Variants in CNOT4 observed in about 807,000 individuals in gnomAD.
CNOT4 encodes the protein CCR4-NOT transcription complex subunit 4.
CNOT4 carries 8 observed loss-of-function variants against 73.8 expected under a neutral mutation model. The observed-to-expected ratio is 0.11, with a 90% CI of 0.06 to 0.20. CNOT4 has a LOEUF of 0.20. Ranked by LOEUF, CNOT4 falls within the 10% of genes least tolerant of loss-of-function variation. The pLI is 1.00. For missense variants in CNOT4, 564 were observed against 883.4 expected (o/e 0.64, Z 4.58); for synonymous variants, 293 against 321.1 (o/e 0.91, Z 0.94).
chr7:135,499,694 TGAAG>T (rs1803836174), intron 1 of CNOT4, among the ~76,000 whole-genome samples: 1 of 151,990 alleles, frequency 6.6e-6, no homozygotes. Context: ...CAGCTATCAC[TGAAG>T]ATATTCCCAA....
intron 1 of CNOT4, among the ~76,000 whole-genome samples, chr7:135,494,145 C>T (rs1179985681): frequency 6.6e-6 from 1 of 151,354 alleles, no homozygotes; most frequent in African/African-American, 2.4e-5. Flanking sequence ...TATATAGTGT[C>T]CATCAATCTG....
At chr7:135,493,135 T>C (rs1018699401) in intron 1 of CNOT4, among the ~76,000 whole-genome samples, 1 of 152,200 alleles carries the variant, frequency 6.6e-6, no homozygotes, top group Admixed American at 6.5e-5. Flanking sequence ...AGGCTCCCTC[T>C]TGACTCCTGT....
chr7:135,445,135 G>C (rs1397839095), intron 1 of CNOT4, among the ~76,000 whole-genome samples: 2 of 152,200 alleles, frequency 1.3e-5, no homozygotes, highest in African/African-American at 4.8e-5. Context: ...GTGAGACTGA[G>C]TTCTGTATTC....
chr7:135,419,563 A>C (rs1371969824), intron 3 of CNOT4, among the ~76,000 whole-genome samples: 2 of 152,288 alleles, frequency 1.3e-5, no homozygotes, highest in Non-Finnish European at 2.9e-5. Context: ...TATTTAAGAA[A>C]ATCCAATGTC....
intron 1 of CNOT4, among the ~76,000 whole-genome samples, chr7:135,488,465 G>A (rs949829899): frequency 1.3e-5 from 2 of 152,104 alleles, no homozygotes; most frequent in East Asian, 1.9e-4. Flanking sequence ...CGCCCGCCTC[G>A]GCCTCCCAAA....
chr7:135,427,637 C>T (rs1048949901), intron 2 of CNOT4, among the ~76,000 whole-genome samples: 1 of 152,132 alleles, frequency 6.6e-6, no homozygotes, highest in Non-Finnish European at 1.5e-5. Flanking sequence ...GGTAAATGAA[C>T]TTTTAAAAAA....
At chr7:135,453,959 G>A (rs1241882642) in intron 1 of CNOT4, among the ~76,000 whole-genome samples, 4 of 141,402 alleles carry the variant, frequency 2.8e-5, no homozygotes, top group Non-Finnish European at 4.6e-5. Flanking sequence ...GCAATATGGC[G>A]AAACCCTATC....
chr7:135,420,278 C>T (rs375085188), intron 3 of CNOT4, among the ~76,000 whole-genome samples: 3 of 151,734 alleles, frequency 2.0e-5, no homozygotes, highest in Non-Finnish European at 2.9e-5. Flanking sequence ...ACGTCAGAAA[C>T]GTGAAAGTAG....
intron 7 of CNOT4, among the ~76,000 whole-genome samples, chr7:135,401,483 G>C (rs752709614): frequency 7.2e-5 from 11 of 151,992 alleles, no homozygotes; most frequent in Non-Finnish European, 1.6e-4. Context: ...AAACCTACAG[G>C]TTTTCTTAAA....
At chr7:135,438,766 A>G (rs1799304184) in intron 1 of CNOT4, among the ~76,000 whole-genome samples, 1 of 152,224 alleles carries the variant, frequency 6.6e-6, no homozygotes, top group South Asian at 2.1e-4. Context: ...ACCTAGTAAT[A>G]TTGCCACATA....
rs1333304651 is a variant in CNOT4, at chr7:135,495,736, AAG to A, written c.-93+14151_-93+14152del. On this transcript the variant is annotated intron_variant, in intron 1 of 11. Coordinates refer to ENST00000541284, the MANE Select transcript of CNOT4 (RefSeq NM_001190850.2). ...AAAGAAAGAAAGAAAGAAAGAAAGA[AAG>A]AAAGAAAGAAAGAAAGAAAGAAAGA... Among the ~76,000 whole-genome samples, 19 of 131,256 alleles carry A rather than the reference AAG, an allele frequency of 1.4e-4. 1 individual carries two copies. Among genetic ancestry groups the A allele is most frequent in the African/African-American group, 2.2e-4 (8 of 36,976 alleles). 86.1% of individuals were successfully genotyped at this position (131,256 alleles called of 152,430 possible).
chr7:135,471,762 C>T (rs143553679), intron 1 of CNOT4, among the ~76,000 whole-genome samples: 9 of 152,254 alleles, frequency 5.9e-5, no homozygotes, highest in Middle Eastern at 3.4e-3. Context: ...AAGTGTCTTA[C>T]GTTATACACG....
At chr7:135,492,550 C>T (rs1358460235) in intron 1 of CNOT4, among the ~76,000 whole-genome samples, 1 of 151,960 alleles carries the variant, frequency 6.6e-6, no homozygotes, top group Admixed American at 6.5e-5. Context: ...GTTGAGGTAC[C>T]AGGTAGAATG....
intron 2 of CNOT4, among the ~76,000 whole-genome samples, chr7:135,434,112 C>G (rs927268447): frequency 3.9e-5 from 6 of 152,174 alleles, no homozygotes; most frequent in African/African-American, 1.4e-4. Flanking sequence ...AATATGCCAC[C>G]TCACAGCATG....
intron 2 of CNOT4, among the ~76,000 whole-genome samples, chr7:135,431,046 C>T (rs1798799559): frequency 6.6e-6 from 1 of 152,162 alleles, no homozygotes; most frequent in Non-Finnish European, 1.5e-5. Context: ...TGGAAGGATG[C>T]TTGAGGCCAG....
intron 1 of CNOT4, among the ~76,000 whole-genome samples, chr7:135,442,547 C>T (rs888204644): frequency 6.6e-6 from 1 of 151,972 alleles, no homozygotes; most frequent in Admixed American, 6.6e-5. Flanking sequence ...TGCAGTGAGC[C>T]GAGATTGTGC....
At chr7:135,475,766 C>A (rs1359907991) in intron 1 of CNOT4, among the ~76,000 whole-genome samples, 1 of 152,022 alleles carries the variant, frequency 6.6e-6, no homozygotes, top group East Asian at 1.9e-4. Flanking sequence ...AAAAAATCAG[C>A]CACGCATGGT....
intron 8 of CNOT4, among the ~76,000 whole-genome samples, chr7:135,396,155 T>C (rs1796678458): frequency 7.4e-6 from 1 of 135,898 alleles, no homozygotes; most frequent in Non-Finnish European, 1.5e-5. Flanking sequence ...TCTCACTCTG[T>C]TGCCCAGGCT....
Position 135,395,845 on chromosome 7 carries a change from C to G in CNOT4, c.918G>C (p.Leu306Phe). The G allele has an allele frequency of 1.2e-6, 2 of 1,611,624 alleles. No individual in the cohort carries two copies. Among genetic ancestry groups the G allele is most frequent in the Non-Finnish European group, 1.7e-6 (2 of 1,177,776 alleles). The change falls in exon 9 of 12, where the codon TTG (leucine) becomes TTC (phenylalanine). Residue 306 changes from leucine (L) to phenylalanine (F), a missense_variant. Physicochemically the swap from Leu to Phe is conservative, Grantham distance 22 (BLOSUM62 0). Coordinates refer to ENST00000541284, the MANE Select transcript of CNOT4 (RefSeq NM_001190850.2). ...TGGGGATGACTGGATTGGATTTTGA[C>G]AAACCAGGTGGTGGTGAAGGCGTAT... Reference protein sequence around the residue: ...NSDTPSPPPGLSKSNPVIPIS... With the variant: ...NSDTPSPPPGFSKSNPVIPIS...
Sources: gnomAD v4.1 joint callset for allele counts (sites outside exome capture counted in the v4.1 genomes callset) on GRCh38, gnomAD v4.1.1 for gene constraint, MANE v1.5 for transcripts, NCBI Gene and HGNC (gene_info 2026-07-23, HGNC 2026-07-21) for gene names.